The following CDC14A variants were observed in gnomAD, a reference collection of about 807,000 sequenced individuals.
CDC14A encodes the protein cell division cycle 14A.
Under a neutral mutation model 74.4 loss-of-function variants are expected in CDC14A, and 53 were observed. That is an observed-to-expected ratio of 0.71 (90% CI 0.57 to 0.89). The LOEUF is 0.89. Ranked by LOEUF, CDC14A falls within the 40% of genes least tolerant of loss-of-function variation. The probability of loss-of-function intolerance (pLI) is 0.00; values close to 1 mark genes in which losing one functional copy is unlikely to be tolerated. For synonymous variants in CDC14A, 247 were observed against 258.4 expected, an observed-to-expected ratio of 0.96 and a Z score of 0.43; for missense variants, 646 against 713.7, an observed-to-expected ratio of 0.91 and a Z score of 1.08.
intron 3 of CDC14A, among the ~76,000 whole-genome samples, chr1:100,381,165 G>A (rs549249316): frequency 2.0e-5 from 3 of 152,194 alleles, no homozygotes; most frequent in African/African-American, 7.2e-5. Context: ...TTTTGACTTT[G>A]TCATGATCCC....
intron 4 of CDC14A, chr1:100,393,155 A>G (rs536535654): frequency 7.1e-6 from 11 of 1,549,646 alleles, no homozygotes; most frequent in South Asian, 3.3e-5. Context: ...CAGATATCCA[A>G]TTTGACTCCA....
intron 4 of CDC14A, among the ~76,000 whole-genome samples, chr1:100,414,684 G>T (rs922878416): frequency 1.3e-5 from 2 of 152,158 alleles, no homozygotes; most frequent in Non-Finnish European, 2.9e-5. Context: ...TATTATTCAA[G>T]TGATATTCTG....
chr1:100,411,869 G>C (rs1319156274), intron 4 of CDC14A, among the ~76,000 whole-genome samples: 5 of 152,182 alleles, frequency 3.3e-5, no homozygotes, highest in Non-Finnish European at 7.3e-5. Flanking sequence ...GTGATGTGCT[G>C]GTGACTGGCT....
intron 4 of CDC14A, among the ~76,000 whole-genome samples, chr1:100,412,712 ATATATATATATTTTATATATATATATTT>A (rs1660923508): frequency 2.9e-5 from 3 of 102,464 alleles, no homozygotes; most frequent in South Asian, 5.0e-4. Flanking sequence ...ATATATATAT[ATATATATATATTTTATATATATATATTT>A]TATATATATA....
At position 100,462,956 on chromosome 1, in the gene CDC14A, C is replaced by G. The variant is rs6690073; in HGVS notation, c.838+75C>G. ...CCAAGGAAGAGCAAATAACATAAAA[C>G]AAAACCTGTTTAGTGTCTTAGAAAA... On this transcript the variant is annotated intron_variant, in intron 9 of 15. Coordinates refer to ENST00000336454, the MANE Select transcript of CDC14A (RefSeq NM_003672.4). 1.2e-3 allele frequency: 1,273 copies of G among 1,081,922 alleles called. 11 individuals are homozygous for G. In the African/African-American group the frequency reaches 0.017, roughly 15 times the overall value. The allele number at this position is 1,081,922 out of a possible 1,614,324, so 67.0% of individuals were successfully genotyped here.
At chr1:100,458,622 TG>T (rs1304296937) in intron 8 of CDC14A, among the ~76,000 whole-genome samples, 2 of 152,318 alleles carry the variant, frequency 1.3e-5, no homozygotes, top group African/African-American at 4.8e-5. Context: ...AAATGCTTTT[TG>T]AAGTTGAGAA....
intron 7 of CDC14A, among the ~76,000 whole-genome samples, chr1:100,444,329 G>A (rs1413914708): frequency 2.6e-5 from 4 of 152,024 alleles, no homozygotes; most frequent in East Asian, 1.9e-4. Context: ...AACTGAGCAC[G>A]GCCCTTCTCC....
intron 4 of CDC14A, among the ~76,000 whole-genome samples, chr1:100,399,263 GA>G (rs1658940319): frequency 6.6e-6 from 1 of 152,172 alleles, no homozygotes; most frequent in East Asian, 1.9e-4. Context: ...ATTTCATTTA[GA>G]GAGAATACCA....
At chr1:100,399,794 G>C (rs1659018339) in intron 4 of CDC14A, among the ~76,000 whole-genome samples, 1 of 151,796 alleles carries the variant, frequency 6.6e-6, no homozygotes, top group African/African-American at 2.4e-5. Context: ...CTTGAGGCCA[G>C]GAGTTTGAGG....
intron 4 of CDC14A, among the ~76,000 whole-genome samples, chr1:100,420,120 G>GTTTT (rs61463263): frequency 2.1e-5 from 1 of 48,204 alleles, no homozygotes; most frequent in Non-Finnish European, 3.9e-5. Flanking sequence ...TGCTGAAAAG[G>GTTTT]TTTTTTTTTT....
At chr1:100,407,616 T>A (rs548584997) in intron 4 of CDC14A, among the ~76,000 whole-genome samples, 5 of 152,180 alleles carry the variant, frequency 3.3e-5, no homozygotes, top group Non-Finnish European at 7.3e-5. Flanking sequence ...GATGATGGTG[T>A]CTCCTAGATA....
chr1:100,405,972 T>C (rs370098193), intron 4 of CDC14A, among the ~76,000 whole-genome samples: 1 of 152,238 alleles, frequency 6.6e-6, no homozygotes, highest in African/African-American at 2.4e-5. Context: ...CCACAATGGT[T>C]GAACTAATTT....
chr1:100,414,950 T>C (rs1004609048), intron 4 of CDC14A, among the ~76,000 whole-genome samples: 1 of 152,124 alleles, frequency 6.6e-6, no homozygotes, highest in African/African-American at 2.4e-5. Flanking sequence ...TTGGACTAGT[T>C]TACTGTCACA....
At chr1:100,462,533 C>A in intron 8 of CDC14A, 118 bp from the exon 9 acceptor site, 1 of 768,926 alleles carries the variant, frequency 1.3e-6, no homozygotes, top group Non-Finnish European at 2.1e-6. Flanking sequence ...TCTCACACAA[C>A]ACACTTTCCT....
At chr1:100,347,402 T>C (rs1211563312) in intron 1 of CDC14A, among the ~76,000 whole-genome samples, 1 of 152,340 alleles carries the variant, frequency 6.6e-6, no homozygotes, top group East Asian at 1.9e-4. Flanking sequence ...TGGAGTCTGT[T>C]TGAAAACTGG....
chr1:100,440,627 G>A (rs1195133059), intron 6 of CDC14A, among the ~76,000 whole-genome samples: 1 of 151,990 alleles, frequency 6.6e-6, no homozygotes, highest in African/African-American at 2.4e-5. Context: ...ACATAATCTC[G>A]AACATATAAC....
intron 15 of CDC14A, 55 bp downstream of exon 15, chr1:100,499,317 G>T (rs1389230088): frequency 1.2e-6 from 2 of 1,614,104 alleles, no homozygotes; most frequent in Non-Finnish European, 1.7e-6. Flanking sequence ...CAACTTCTGT[G>T]CCTTGCCTTC....
At chr1:100,387,108 A>G (rs561909028) in intron 3 of CDC14A, among the ~76,000 whole-genome samples, 3 of 152,272 alleles carry the variant, frequency 2.0e-5, no homozygotes, top group African/African-American at 7.2e-5. Flanking sequence ...TCCAATACCA[A>G]AGTATCTTCT....
At chr1:100,502,661 T>C (rs990390300) in intron 15 of CDC14A, among the ~76,000 whole-genome samples, 4 of 152,264 alleles carry the variant, frequency 2.6e-5, no homozygotes, top group Admixed American at 6.5e-5. Context: ...GCCAGTAGCA[T>C]TGGTAGCTTG....
Sources: gnomAD v4.1 joint callset for allele counts (sites outside exome capture counted in the v4.1 genomes callset) on GRCh38, gnomAD v4.1.1 for gene constraint, MANE v1.5 for transcripts, NCBI Gene and HGNC (gene_info 2026-07-23, HGNC 2026-07-21) for gene names.